The following LRRTM4 variants were observed in gnomAD, a reference collection of about 807,000 sequenced individuals.
LRRTM4 encodes the protein leucine rich repeat transmembrane neuronal 4.
A neutral mutation model predicts 47.6 loss-of-function variants in LRRTM4; 25 were observed. The ratio of observed to expected loss-of-function variants is 0.53; its 90% CI spans 0.38 to 0.73. The LOEUF is 0.73. Among genes scored for constraint, LRRTM4 ranks in the 30% least tolerant of loss-of-function variants. The pLI, the probability that LRRTM4 is intolerant of heterozygous loss-of-function variation, is 0.00. For missense variants in LRRTM4, 638 were observed against 713.4 expected, an observed-to-expected ratio of 0.89 and a Z score of 1.20; for synonymous variants, 311 against 269.5, an observed-to-expected ratio of 1.15 and a Z score of -1.51.
intron 3 of LRRTM4, among the ~76,000 whole-genome samples, chr2:77,380,669 G>T (rs1422685664): frequency 1.3e-5 from 2 of 151,858 alleles, no homozygotes; most frequent in African/African-American, 4.8e-5. Context: ...GGATGTGCGT[G>T]CCTGTAATCT....
chr2:77,494,058 T>G (rs1009505382), intron 3 of LRRTM4, among the ~76,000 whole-genome samples: 2 of 152,112 alleles, frequency 1.3e-5, no homozygotes. Context: ...AATAGAAATC[T>G]CCATTGATAT....
At chr2:77,045,876 T>A (rs1386187803) in intron 3 of LRRTM4, among the ~76,000 whole-genome samples, 1 of 151,980 alleles carries the variant, frequency 6.6e-6, no homozygotes, top group Non-Finnish European at 1.5e-5. Flanking sequence ...ATTTTTCTGA[T>A]AGTTTCCTGA....
At chr2:77,340,109 AG>A (rs1253893064) in intron 3 of LRRTM4, among the ~76,000 whole-genome samples, 2 of 152,106 alleles carry the variant, frequency 1.3e-5, no homozygotes, top group East Asian at 3.9e-4. Context: ...AGTTTTCAAA[AG>A]GAAAGATTGC....
chr2:77,433,666 T>A (rs1232666513), intron 3 of LRRTM4, among the ~76,000 whole-genome samples: 1 of 152,152 alleles, frequency 6.6e-6, no homozygotes, highest in East Asian at 1.9e-4. Flanking sequence ...TACCACCAAT[T>A]AAGGGAAGCC....
chr2:77,327,254 A>G (rs1396501364), intron 3 of LRRTM4, among the ~76,000 whole-genome samples: 1 of 152,252 alleles, frequency 6.6e-6, no homozygotes, highest in Non-Finnish European at 1.5e-5. Flanking sequence ...GGTATAAAAT[A>G]TAAAAATGCT....
intron 3 of LRRTM4, among the ~76,000 whole-genome samples, chr2:77,078,399 C>T (rs1680420153): frequency 6.7e-6 from 1 of 150,008 alleles, no homozygotes; most frequent in Non-Finnish European, 1.5e-5. Flanking sequence ...CACACACACA[C>T]ACACACACAT....
chr2:77,248,221 ATGTG>A (rs1256020687), intron 3 of LRRTM4, among the ~76,000 whole-genome samples: 1 of 151,614 alleles, frequency 6.6e-6, no homozygotes, highest in African/African-American at 2.4e-5. Flanking sequence ...TGTGTGTTTT[ATGTG>A]AGTATATGTG....
chr2:77,206,281 C>G (rs10210422), intron 3 of LRRTM4, among the ~76,000 whole-genome samples: 1 of 150,476 alleles, frequency 6.6e-6, no homozygotes, highest in Non-Finnish European at 1.5e-5. Flanking sequence ...TGGGTTCAAG[C>G]GATTTTTGTG....
chr2:76,795,440 TAAAACATTG>T (rs1349928875), intron 3 of LRRTM4, among the ~76,000 whole-genome samples: 2 of 152,162 alleles, frequency 1.3e-5, no homozygotes, highest in Admixed American at 1.3e-4. Context: ...ATTTCCTAAA[TAAAACATTG>T]TAATGACTAT....
chr2:77,146,224 T>C (rs1672258356), intron 3 of LRRTM4, among the ~76,000 whole-genome samples: 1 of 152,206 alleles, frequency 6.6e-6, no homozygotes, highest in African/African-American at 2.4e-5. Flanking sequence ...CTGTTACAAT[T>C]GAGAATGTAA....
At chr2:77,063,440 T>C (rs949785415) in intron 3 of LRRTM4, among the ~76,000 whole-genome samples, 1 of 152,210 alleles carries the variant, frequency 6.6e-6, no homozygotes, top group African/African-American at 2.4e-5. Context: ...CATAGGCCTC[T>C]CTGTTTCTAC....
At chr2:77,130,851 T>C (rs1238343100) in intron 3 of LRRTM4, among the ~76,000 whole-genome samples, 17 of 122,040 alleles carry the variant, frequency 1.4e-4, no homozygotes, top group East Asian at 6.8e-4. Context: ...TTTTTTTTTT[T>C]TGAGACGGAG....
At chr2:77,126,431 C>A (rs1260544367) in intron 3 of LRRTM4, among the ~76,000 whole-genome samples, 1 of 152,058 alleles carries the variant, frequency 6.6e-6, no homozygotes, top group East Asian at 1.9e-4. Flanking sequence ...GTTTCTGTAT[C>A]ATTTATTGTA....
chr2:77,375,860 A>C (rs144407925), intron 3 of LRRTM4, among the ~76,000 whole-genome samples: 1 of 151,888 alleles, frequency 6.6e-6, no homozygotes, highest in East Asian at 1.9e-4. Context: ...CTGTTTCTGC[A>C]TCTTGGCTAT....
At chr2:77,502,956 C>A (rs1259853400) in intron 3 of LRRTM4, among the ~76,000 whole-genome samples, 1 of 150,728 alleles carries the variant, frequency 6.6e-6, no homozygotes, top group African/African-American at 2.4e-5. Flanking sequence ...AAAGCCAGTG[C>A]CGAGAGTAGA....
Position 77,521,748 on chromosome 2 carries a change from C to G in LRRTM4, c.-77G>C, listed in dbSNP as rs1401204031. 3.9e-6 allele frequency: 6 copies of G among 1,527,734 alleles called. No individual in the cohort carries two copies. Among genetic ancestry groups the G allele is most frequent in the Non-Finnish European group, 5.4e-6 (6 of 1,104,514 alleles). 94.6% of individuals were successfully genotyped at this position (1,527,734 alleles called of 1,614,324 possible). A position where few individuals can be genotyped will look rare whatever the true frequency, so the allele number is the denominator to read the frequency against. ...GTCTCTTGTGCGGAAACCACCACCA[C>G]CTTCATGACACAGTGCGGCTGTCAT... On this transcript the variant is annotated 5_prime_UTR_variant, in exon 2 of 4. Coordinates refer to ENST00000409884, the MANE Select transcript of LRRTM4 (RefSeq NM_001134745.3).
chr2:76,764,563 G>A (rs1407898801), intron 3 of LRRTM4, among the ~76,000 whole-genome samples: 13 of 152,116 alleles, frequency 8.5e-5, no homozygotes, highest in Non-Finnish European at 1.2e-4. Context: ...CCCGGGAGGC[G>A]GAGCTTGCAG....
intron 3 of LRRTM4, among the ~76,000 whole-genome samples, chr2:77,357,784 T>A (rs1672024573): frequency 6.6e-6 from 1 of 152,182 alleles, no homozygotes; most frequent in South Asian, 2.1e-4. Flanking sequence ...AGCATTAGTG[T>A]GCACATACAC....
At chr2:76,949,552 G>C (rs1445008220) in intron 3 of LRRTM4, among the ~76,000 whole-genome samples, 2 of 151,858 alleles carry the variant, frequency 1.3e-5, no homozygotes, top group Non-Finnish European at 2.9e-5. Flanking sequence ...AGAAATTTCA[G>C]CTGTTGAAGG....
Sources: allele counts gnomAD v4.1 joint callset (sites outside exome capture counted in the v4.1 genomes callset), GRCh38; gene constraint gnomAD v4.1.1; transcripts MANE v1.5; gene names NCBI Gene and HGNC (gene_info 2026-07-23, HGNC 2026-07-21).